NUP188: variants seen among roughly 807,000 people sequenced by gnomAD.
The protein encoded by NUP188 is nucleoporin 188.
A neutral mutation model predicts 223.0 loss-of-function variants in NUP188; 97 were observed. The observed-to-expected ratio is 0.43, with a 90% CI of 0.37 to 0.51. The LOEUF is 0.51. NUP188 is among the 20% of genes least tolerant of loss of function. The pLI is 0.00. For missense variants in NUP188, 1,947 were observed against 2,175.6 expected (o/e 0.89, Z 2.09); for synonymous variants, 869 against 828.0 (o/e 1.05, Z -0.85).
intron 1 of NUP188, chr9:128,948,828 C>G (rs904022602): frequency 7.1e-5 from 11 of 154,818 alleles, no homozygotes; most frequent in Admixed American, 6.4e-4. Context: ...CGGGTTCATG[C>G]CATTCTCCTG....
At chr9:128,997,962 G>C (rs762457637) in intron 30 of NUP188, among the ~76,000 whole-genome samples, 189 bp from the exon 31 acceptor site, 2 of 150,066 alleles carry the variant, frequency 1.3e-5, no homozygotes, top group Non-Finnish European at 3.0e-5. Flanking sequence ...CTCGTGATCC[G>C]CCCACCTCAG....
At chr9:129,003,947 T>G in intron 38 of NUP188, 5 of 193,720 alleles carry the variant, frequency 2.6e-5, no homozygotes, top group Non-Finnish European at 5.0e-5. Flanking sequence ...CACTCCAGCC[T>G]GGGTGACAGA....
intron 3 of NUP188, among the ~76,000 whole-genome samples, chr9:128,954,523 T>TACAG (rs1841841617): frequency 6.6e-6 from 1 of 151,878 alleles, no homozygotes; most frequent in South Asian, 2.1e-4. Flanking sequence ...TAGCAGGGAC[T>TACAG]ACAGGCGCCC....
rs1484444162 is a variant in NUP188, at chr9:129,006,789, C to T, written c.*111C>T. ...ATACAATGGAGGGCACCTCCTGTCA[C>T]CCCCCTCCCGGAGTAGCCACGACTC... On this transcript the variant is annotated 3_prime_UTR_variant, in exon 44 of 44. Transcript: ENST00000372577. 8 of 1,161,886 alleles carry T rather than the reference C, an allele frequency of 6.9e-6. No individual in the cohort carries two copies. In the East Asian group the frequency reaches 1.5e-4, roughly 22 times the overall value. The allele number at this position is 1,161,886 out of a possible 1,614,324, so 72.0% of individuals were successfully genotyped here. A position where few individuals can be genotyped will look rare whatever the true frequency, so the allele number is the denominator to read the frequency against.
At position 128,982,033 on chromosome 9, in the gene NUP188, C is replaced by T. The variant is rs189133939; in HGVS notation, c.1517-516C>T. On this transcript the variant is annotated intron_variant, in intron 15 of 43. Transcript: ENST00000372577. ...CAGAGGTTGCAGTGAGTTGAGATCG[C>T]GCCATTGCACTCCAGCCTGGGCAGC... Among the ~76,000 whole-genome samples, 85 of 151,826 alleles carry T rather than the reference C, an allele frequency of 5.6e-4. 1 individual carries two copies. The highest frequency in any genetic ancestry group is 1.1e-3 in the Non-Finnish European group (73 of 67,940).
Position 129,002,833 on chromosome 9 carries a change from G to A in NUP188, c.4154G>A (p.Arg1385Gln), listed in dbSNP as rs759418528. Residue 1385 changes from arginine (R) to glutamine (Q), a missense_variant, in exon 37 of 44, where the codon CGG (arginine) becomes CAG (glutamine). Physicochemically the swap from Arg to Gln is conservative, Grantham distance 43. Coordinates refer to ENST00000372577, the MANE Select transcript of NUP188 (RefSeq NM_015354.3). ...NGTAQTPSAS[R>Q]KSLDAPSWPG... ...GTATCTTAGACACCTAGTGCCTCTC[G>A]GAAGTCCCTGGATGCCCCCTCTTGG... is the stretch of plus-strand genomic sequence containing the variant. 3.7e-6 allele frequency: 6 copies of A among 1,613,904 alleles called. No homozygotes were observed. The highest frequency in any genetic ancestry group is 3.3e-5 in the Admixed American group (2 of 59,984).
At chr9:128,991,132 G>A (rs547750955) in intron 25 of NUP188, among the ~76,000 whole-genome samples, 1 of 151,364 alleles carries the variant, frequency 6.6e-6, no homozygotes, top group Non-Finnish European at 1.5e-5. Context: ...GAATCCCTAT[G>A]GGCAGGGGGA....
chr9:128,999,164 C>T lies in NUP188; in HGVS notation c.3516-8C>T, dbSNP rs369721010. 4.5e-5 allele frequency: 72 copies of T among 1,613,440 alleles called. No individual in the cohort carries two copies. Among genetic ancestry groups the T allele is most frequent in the Middle Eastern group, 3.3e-4 (2 of 6,062 alleles). The stretch of plus-strand genomic sequence containing the variant: ...CACCACGCCTGGCCCACCCAGTATT[C>T]TTTCTAGAGAGTTAGGTTCTGTGGA... On this transcript the variant is annotated splice_region_variant and splice_polypyrimidine_tract_variant and intron_variant, in intron 32 of 43. Coordinates refer to ENST00000372577, the MANE Select transcript of NUP188 (RefSeq NM_015354.3).
intron 4 of NUP188, among the ~76,000 whole-genome samples, chr9:128,956,714 G>A (rs1841876489): frequency 5.3e-5 from 8 of 152,132 alleles, no homozygotes; most frequent in Admixed American, 5.2e-4. Context: ...CTGTATTAAT[G>A]TGCTTAGTGA....
At position 129,001,650 on chromosome 9, in the gene NUP188, T is replaced by C. The variant is rs145507691; in HGVS notation, c.3965T>C (p.Val1322Ala). The part of the protein sequence containing the change: ...ILPTLLTTLE[V>A]SLRMKQNLHF... ...CCCACCCTCCTCACCACTCTAGAGG[T>C]GAGCCTTCGCATGAAGCAGAACCTG... Residue 1322 changes from valine to alanine, a missense_variant, in exon 35 of 44, where the codon GTG (valine) becomes GCG (alanine). By Grantham distance (64) the Val-to-Ala change is moderately conservative. Around this residue, in one of 3 missense-constraint regions of NUP188, gnomAD observed 905 missense variants for 990.6 expected, o/e 0.91. Coordinates refer to ENST00000372577, the MANE Select transcript of NUP188 (RefSeq NM_015354.3). The C allele has an allele frequency of 4.3e-6, 7 of 1,613,790 alleles. No homozygotes were observed. In the African/African-American group the frequency reaches 9.4e-5, roughly 22 times the overall value.
chr9:129,001,175 A>G (rs529179522), intron 34 of NUP188, among the ~76,000 whole-genome samples: 16 of 149,658 alleles, frequency 1.1e-4, no homozygotes, highest in African/African-American at 3.9e-4. Flanking sequence ...GGCATCGGGC[A>G]GGGTCGTAGG....
At chr9:128,972,348 A>G (rs1415543795) in intron 11 of NUP188, among the ~76,000 whole-genome samples, 1 of 152,252 alleles carries the variant, frequency 6.6e-6, no homozygotes, top group Non-Finnish European at 1.5e-5. Context: ...AAAAGGCTTC[A>G]TAGTATATGA....
rs546587563 is a variant in NUP188 at position 128,949,406 on chromosome 9, C to T, written c.87+163C>T. Reference sequence around the variant, plus strand: ...GGAGTGCAATGGCGTGATCTCGGCTCACCGCAACCTCCGCCTCCCAGGTTC... The same window carrying T: ...GGAGTGCAATGGCGTGATCTCGGCTTACCGCAACCTCCGCCTCCCAGGTTC... On this transcript the variant is annotated intron_variant, in intron 2 of 43. Coordinates refer to ENST00000372577, the MANE Select transcript of NUP188 (RefSeq NM_015354.3). 3.3e-5 allele frequency among the ~76,000 whole-genome samples: 5 copies of T among 152,130 alleles called. No homozygotes were observed. In the East Asian group the frequency reaches 7.7e-4, roughly 24 times the overall value.
At chr9:128,984,868 A>G in intron 19 of NUP188, 32 bp from the exon 20 acceptor site, 1 of 1,442,026 alleles carries the variant, frequency 6.9e-7, no homozygotes, top group South Asian at 1.2e-5. Flanking sequence ...AAATTTCCCT[A>G]TCATTTTTTT....
chr9:128,993,485 G>T, intron 26 of NUP188, 40 bp from the exon 27 acceptor site: 2 of 1,613,010 alleles, frequency 1.2e-6, no homozygotes, highest in Non-Finnish European at 1.7e-6. Flanking sequence ...GCTGCTGGCA[G>T]TGGCTGTGGA....
In NUP188 at chr9:129,003,368, G is replaced by T; in HGVS notation, c.4348G>T (p.Asp1450Tyr). 6.2e-7 allele frequency: 1 copy of T among 1,613,392 alleles called. No individual in the cohort carries two copies. ...GAGTCTGGCCTGCCTGGAGGAGGCGGACCACACCGTGGGTTTTATTCTGCA... is the reference window on the plus strand; with the variant it reads ...GAGTCTGGCCTGCCTGGAGGAGGCGTACCACACCGTGGGTTTTATTCTGCA... Reference protein sequence around the residue: ...VQSLACLEEADHTVGFILQLS... With the variant: ...VQSLACLEEAYHTVGFILQLS... Residue 1450 changes from aspartate (D) to tyrosine (Y), a missense_variant, in exon 38 of 44, where the codon GAC (aspartate) becomes TAC (tyrosine). Coordinates refer to ENST00000372577, the MANE Select transcript of NUP188 (RefSeq NM_015354.3).
Position 128,983,548 on chromosome 9 carries a change from T to C in NUP188, c.1959T>C (p.Ile653=). ...AHPVSSLSQM[I]SAEGMNAGGY... is the part of the protein sequence containing the mutation. Reference sequence around the variant, plus strand: ...CTGTCTCCAGCCTGAGTCAGATGATTAGGTGAGCCAAGTCCTAGGGTGGTG... The same window carrying C: ...CTGTCTCCAGCCTGAGTCAGATGATCAGGTGAGCCAAGTCCTAGGGTGGTG... Residue 653 remains isoleucine, a splice_region_variant and synonymous_variant, in exon 19 of 44, where the codon ATT becomes ATC. Coordinates refer to ENST00000372577, the MANE Select transcript of NUP188 (RefSeq NM_015354.3). The C allele has an allele frequency of 1.2e-6, 2 of 1,613,108 alleles. No individual in the cohort carries two copies. The highest frequency in any genetic ancestry group is 2.7e-5 in the African/African-American group (2 of 75,022).
At chr9:128,951,572 A>G (rs934409551) in intron 2 of NUP188, among the ~76,000 whole-genome samples, 3 of 152,306 alleles carry the variant, frequency 2.0e-5, no homozygotes, top group South Asian at 2.1e-4. Context: ...GGAATGGTAA[A>G]TGAATTATGA....
rs1842605197 is a variant in NUP188, at chr9:128,999,715, C to G, written c.3753C>G (p.His1251Gln). ...TTGCACTCTTCGACCAGACCCGCCA[C>G]AGTCTGGCATTAGGCAGTGCCACAG... ...EVIALFDQTR[H>Q]SLALGSATED... The change falls in exon 34 of 44, where the codon CAC becomes CAG. Residue 1251 changes from histidine (H) to glutamine (Q), a missense_variant. By Grantham distance (24) the His-to-Gln change is conservative (BLOSUM62 0). Around this residue, in one of 3 missense-constraint regions of NUP188, gnomAD observed 905 missense variants for 990.6 expected, o/e 0.91. Coordinates refer to ENST00000372577, the MANE Select transcript of NUP188 (RefSeq NM_015354.3). 2 of 1,614,164 alleles carry G rather than the reference C, an allele frequency of 1.2e-6. No homozygotes were observed. Among genetic ancestry groups the G allele is most frequent in the Non-Finnish European group, 1.7e-6 (2 of 1,179,976 alleles).
Sources: gnomAD v4.1 joint callset for allele counts (sites outside exome capture counted in the v4.1 genomes callset) on GRCh38, gnomAD v4.1.1 for gene constraint, gnomAD v4.1.1 regional missense constraint, MANE v1.5 for transcripts, NCBI Gene and HGNC (gene_info 2026-07-23, HGNC 2026-07-21) for gene names.